The following PAFAH2 variants were observed in gnomAD, a reference collection of about 807,000 sequenced individuals.
PAFAH2 encodes platelet-activating factor acetylhydrolase 2, cytoplasmic.
A neutral mutation model predicts 49.0 loss-of-function variants in PAFAH2; 42 were observed. The ratio of observed to expected loss-of-function variants is 0.86; its 90% CI spans 0.67 to 1.11. PAFAH2 has a LOEUF of 1.11. Ranked by LOEUF, PAFAH2 falls within the 50% of genes least tolerant of loss-of-function variation. The pLI, the probability that PAFAH2 is intolerant of heterozygous loss-of-function variation, is 0.00. For synonymous variants in PAFAH2, 184 were observed against 181.3 expected (o/e 1.01, Z -0.12); for missense variants, 503 against 501.8 (o/e 1.00, Z -0.02).
intron 9 of PAFAH2, among the ~76,000 whole-genome samples, chr1:25,972,976 T>C (rs2049532942): frequency 6.6e-6 from 1 of 152,162 alleles, no homozygotes; most frequent in Non-Finnish European, 1.5e-5. Flanking sequence ...ACCCGTAGAC[T>C]ACAATGCCTG....
At chr1:25,983,332 C>T (rs1015989596) in intron 6 of PAFAH2, among the ~76,000 whole-genome samples, 9 of 152,114 alleles carry the variant, frequency 5.9e-5, no homozygotes, top group East Asian at 1.9e-4. Context: ...TGCCATTGAG[C>T]CGTGTTGGTG....
chr1:25,995,591 G>A (rs941362033), intron 1 of PAFAH2, among the ~76,000 whole-genome samples: 44 of 152,272 alleles, frequency 2.9e-4, no homozygotes, highest in African/African-American at 1.1e-3. Flanking sequence ...AGTATATACT[G>A]TGTTCTGGTC....
At chr1:25,990,896 G>T (rs2124368113) in intron 1 of PAFAH2, 33 bp from the exon 2 acceptor site, 1 of 1,113,296 alleles carries the variant, frequency 9.0e-7, no homozygotes. Flanking sequence ...GCAGCCGCTT[G>T]CTGGTTTCCT....
At chr1:25,974,026 G>C (rs1572347059) in intron 9 of PAFAH2, among the ~76,000 whole-genome samples, 1 of 152,170 alleles carries the variant, frequency 6.6e-6, no homozygotes, top group Non-Finnish European at 1.5e-5. Flanking sequence ...AATATAGAAG[G>C]TTTATGGAAG....
rs1322058365 is a variant in PAFAH2 at position 25,984,584 on chromosome 1, C to T, written c.342-56G>A. On this transcript the variant is annotated intron_variant, in intron 4 of 10. Coordinates refer to ENST00000374282, the MANE Select transcript of PAFAH2 (RefSeq NM_000437.4). ...GATCAAAAGAACAGCCCAGCCTTCACCCTCATTCCAACAATGCTCTGCTAG... is the reference window on the plus strand; with the variant it reads ...GATCAAAAGAACAGCCCAGCCTTCATCCTCATTCCAACAATGCTCTGCTAG... 4 of 1,379,970 alleles carry T rather than the reference C, an allele frequency of 2.9e-6. No homozygotes were observed. The African/African-American group carries it at 4.3e-5, about 15-fold the overall frequency. The allele number at this position is 1,379,970 out of a possible 1,614,324, so 85.5% of individuals were successfully genotyped here.
chr1:25,964,817 A>G (rs916862176), intron 10 of PAFAH2, among the ~76,000 whole-genome samples: 6 of 152,214 alleles, frequency 3.9e-5, no homozygotes, highest in South Asian at 2.1e-4. Flanking sequence ...GGAAGAATCA[A>G]TGTTGTTAAA....
chr1:25,982,436 G>A lies in PAFAH2; in HGVS notation c.594C>T (p.Ile198=). The A allele has an allele frequency of 5.0e-6, 8 of 1,614,108 alleles. No homozygotes were observed. Among genetic ancestry groups the A allele is most frequent in the Non-Finnish European group, 6.8e-6 (8 of 1,180,008 alleles). Residue 198 remains isoleucine, a synonymous_variant, in exon 7 of 11, where the codon ATC becomes ATT. Coordinates refer to ENST00000374282, the MANE Select transcript of PAFAH2 (RefSeq NM_000437.4). ...RVSECLRVLK[I]LQEVTAGQTV... is the part of the protein sequence containing the mutation. The stretch of plus-strand genomic sequence containing the variant: ...TCTGCCCAGCAGTGACCTCTTGCAG[G>A]ATCTTCAACACCCGTAAACACTCGC...
intron 10 of PAFAH2, among the ~76,000 whole-genome samples, chr1:25,965,817 CAAAAAAAAAAAAAAAA>C (rs56272061): frequency 5.8e-5 from 1 of 17,362 alleles, no homozygotes; most frequent in Admixed American, 1.4e-3. Flanking sequence ...GACTTTGTCT[CAAAAAAAAAAAAAAAA>C]AAAAAAAAAA....
In PAFAH2 at chr1:25,989,495, A is replaced by G. The variant is rs1244720410; in HGVS notation, c.197T>C (p.Leu66Pro). 11 of 1,611,576 alleles carry G rather than the reference A, an allele frequency of 6.8e-6. No homozygotes were observed. Among genetic ancestry groups the G allele is most frequent in the Admixed American group, 3.3e-5 (2 of 59,708 alleles). ...YEYCTGLAEY[L>P]QFNKRCGGLL... The stretch of plus-strand genomic sequence containing the variant: ...GCCCCCGCAGCGCTTATTAAACTGC[A>G]GGTACTCGGCCAGGCCAGTGCAGTA... Residue 66 changes from leucine to proline, a missense_variant, in exon 3 of 11, where the codon CTG (leucine) becomes CCG (proline). By Grantham distance (98) the Leu-to-Pro change is moderately conservative. Transcript: ENST00000374282.
intron 6 of PAFAH2, among the ~76,000 whole-genome samples, chr1:25,983,107 C>CA (rs2049717986): frequency 6.6e-6 from 1 of 152,274 alleles, no homozygotes; most frequent in East Asian, 1.9e-4. Context: ...AGCTGTGGTT[C>CA]TGACTGGGTG....
intron 7 of PAFAH2, among the ~76,000 whole-genome samples, chr1:25,980,611 T>TTTTATATATATATA (rs369555868): frequency 6.2e-4 from 46 of 74,220 alleles, no homozygotes; most frequent in Admixed American, 1.0e-3. Context: ...TGGGCCATAT[T>TTTTATATATATATA]TATATATATA....
chr1:25,987,134 T>G (rs1370999694), intron 4 of PAFAH2, among the ~76,000 whole-genome samples: 1 of 151,452 alleles, frequency 6.6e-6, no homozygotes, highest in African/African-American at 2.4e-5. Flanking sequence ...ACTTGGAGGC[T>G]GAGGCAGAAG....
chr1:25,965,637 G>A (rs932247977), intron 10 of PAFAH2, among the ~76,000 whole-genome samples: 2 of 151,866 alleles, frequency 1.3e-5, no homozygotes, highest in Non-Finnish European at 2.9e-5. Context: ...CTAACATGGT[G>A]AAACCCTGTC....
chr1:25,965,193 GA>G (rs771796490), intron 10 of PAFAH2, among the ~76,000 whole-genome samples: 1 of 152,120 alleles, frequency 6.6e-6, no homozygotes, highest in South Asian at 2.1e-4. Context: ...AATGGTGCTG[GA>G]AAAATTGGAT....
chr1:25,993,482 C>T (rs1443815558), intron 1 of PAFAH2, among the ~76,000 whole-genome samples: 3 of 152,204 alleles, frequency 2.0e-5, no homozygotes. Flanking sequence ...GATAACAACA[C>T]ACAGTCTCCT....
In PAFAH2 at chr1:25,990,843, T is replaced by C; in HGVS notation, c.-27A>G. 2 of 1,594,308 alleles carry C rather than the reference T, an allele frequency of 1.3e-6. No individual in the cohort carries two copies. The highest frequency in any genetic ancestry group is 8.6e-7 in the Non-Finnish European group (1 of 1,162,224). ...TCATCACCGGGTGAATCAAATGACT[T>C]GCCGGAGCTGAACTTGCTGGCTGGA... On this transcript the variant is annotated 5_prime_UTR_variant, in exon 2 of 11. Transcript: ENST00000374282.
In PAFAH2 at chr1:25,990,806, T is replaced by A. The variant is rs983194322; in HGVS notation, c.11A>T (p.Asn4Ile). Reference protein sequence around the residue: MGVNQSVGFPPVTG... With the variant: MGVIQSVGFPPVTG... ...GACAGGTGGAAAGCCCACAGACTGGTTGACCCCCATTTCATCACCGGGTGA... is the reference window on the plus strand; with the variant it reads ...GACAGGTGGAAAGCCCACAGACTGGATGACCCCCATTTCATCACCGGGTGA... Residue 4 changes from asparagine (N) to isoleucine (I), a missense_variant, in exon 2 of 11, where the codon AAC becomes ATC. By Grantham distance (149) the Asn-to-Ile change is moderately radical. Transcript: ENST00000374282. The A allele has an allele frequency of 6.2e-7, 1 of 1,613,796 alleles. No individual in the cohort carries two copies. Among genetic ancestry groups the A allele is most frequent in the African/African-American group, 1.3e-5 (1 of 74,900 alleles).
intron 8 of PAFAH2, among the ~76,000 whole-genome samples, chr1:25,976,105 T>C (rs2049584571): frequency 6.6e-6 from 1 of 152,162 alleles, no homozygotes; most frequent in African/African-American, 2.4e-5. Context: ...GCCTTCCCAG[T>C]CTTGATTTCA....
rs574077923 is a variant in PAFAH2 at position 25,993,667 on chromosome 1, G to C, written c.-47-2804C>G. On this transcript the variant is annotated intron_variant, in intron 1 of 10. Transcript: ENST00000374282. Reference sequence around the variant, plus strand: ...AAAAGAAGCTAAGCTCCTGATGTCAGTGGGTTGTTCAGCCAGAGTGAAGGG... The same window carrying C: ...AAAAGAAGCTAAGCTCCTGATGTCACTGGGTTGTTCAGCCAGAGTGAAGGG... 1.1e-4 allele frequency among the ~76,000 whole-genome samples: 16 copies of C among 152,228 alleles called. No individual in the cohort carries two copies. In the South Asian group the frequency reaches 3.3e-3, roughly 32 times the overall value.
Sources: allele counts gnomAD v4.1 joint callset (sites outside exome capture counted in the v4.1 genomes callset), GRCh38; gene constraint gnomAD v4.1.1; transcripts MANE v1.5; gene names NCBI Gene and HGNC (gene_info 2026-07-23, HGNC 2026-07-21).